Variants in PLEKHD1 observed in about 807,000 individuals in gnomAD.
The protein encoded by PLEKHD1 is pleckstrin homology domain-containing family D member 1.
Under a neutral mutation model 69.2 loss-of-function variants are expected in PLEKHD1, and 51 were observed. That is an observed-to-expected ratio of 0.74 (90% CI 0.59 to 0.93). The LOEUF (loss-of-function observed/expected upper bound fraction) is 0.93. Among genes scored for constraint, PLEKHD1 ranks in the 40% least tolerant of loss-of-function variants. The pLI, the probability that PLEKHD1 is intolerant of heterozygous loss-of-function variation, is 0.00. For synonymous variants in PLEKHD1, 236 were observed against 244.7 expected, an observed-to-expected ratio of 0.96 and a Z score of 0.33; for missense variants, 584 against 641.0, an observed-to-expected ratio of 0.91 and a Z score of 0.96.
chr14:69,490,278 A>C (rs949112489), intron 1 of PLEKHD1, among the ~76,000 whole-genome samples: 1 of 152,224 alleles, frequency 6.6e-6, no homozygotes, highest in Non-Finnish European at 1.5e-5. Context: ...ATCAGGCATT[A>C]GATTCTCATA....
the PLEKHD1 span, among the ~76,000 whole-genome samples, chr14:69,478,401 C>T: frequency 2.8e-4 from 42 of 152,260 alleles, no homozygotes; most frequent in Non-Finnish European, 5.7e-4. Context: ...ACATTTGGCT[C>T]CTCATTACTT....
chr14:69,483,576 C>G (rs1193063830), upstream of PLEKHD1, among the ~76,000 whole-genome samples: 3 of 152,180 alleles, frequency 2.0e-5, no homozygotes, highest in Non-Finnish European at 4.4e-5. Context: ...ATACCTTCAT[C>G]AAAGAAATAA....
intron 6 of PLEKHD1, among the ~76,000 whole-genome samples, chr14:69,518,565 G>A (rs1883438443): frequency 6.6e-6 from 1 of 152,196 alleles, no homozygotes; most frequent in African/African-American, 2.4e-5. Flanking sequence ...AATCTTTACT[G>A]TATTAAGTCT....
rs116791741 is a variant in PLEKHD1, at chr14:69,486,616, G to A, written c.149+1502G>A. ...TCTTTCTTCTGCCTCAGCAGCTCCA[G>A]ATAGTTAATCTTTCTTTTCTATTGG... On this transcript the variant is annotated intron_variant, in intron 1 of 12. Transcript: ENST00000322564. Among the ~76,000 whole-genome samples, 696 of 152,306 alleles carry A rather than the reference G, an allele frequency of 4.6e-3. 5 individuals carry two copies. Among genetic ancestry groups the A allele is most frequent in the African/African-American group, 0.016 (675 of 41,544 alleles).
chr14:69,473,044 C>T, the PLEKHD1 span, among the ~76,000 whole-genome samples: 12 of 152,128 alleles, frequency 7.9e-5, no homozygotes, highest in Non-Finnish European at 1.6e-4. Flanking sequence ...CAGATGGGAC[C>T]GTTTAGTTGC....
intron 6 of PLEKHD1, among the ~76,000 whole-genome samples, chr14:69,512,639 C>T (rs1413745695): frequency 6.6e-6 from 1 of 152,126 alleles, no homozygotes; most frequent in African/African-American, 2.4e-5. Context: ...TTCTTTGACA[C>T]ATGTGTTATT....
intron 6 of PLEKHD1, among the ~76,000 whole-genome samples, chr14:69,511,316 G>T (rs903530797): frequency 2.0e-5 from 3 of 151,722 alleles, no homozygotes; most frequent in Non-Finnish European, 2.9e-5. Flanking sequence ...GTGCCACCAT[G>T]CCCTGCTAAT....
intron 6 of PLEKHD1, among the ~76,000 whole-genome samples, chr14:69,519,037 C>T (rs1384809708): frequency 6.6e-6 from 1 of 151,940 alleles, no homozygotes; most frequent in Non-Finnish European, 1.5e-5. Flanking sequence ...GAGAAAGGCC[C>T]AGGAAGCCAG....
At chr14:69,472,069 C>T in the PLEKHD1 span, among the ~76,000 whole-genome samples, 1 of 152,106 alleles carries the variant, frequency 6.6e-6, no homozygotes, top group African/African-American at 2.4e-5. Flanking sequence ...CTCAACGACC[C>T]GTGCTGAGTC....
At position 69,528,644 on chromosome 14, in the gene PLEKHD1, A is replaced by G; in HGVS notation, c.*225A>G. The G allele has an allele frequency of 3.3e-6, 2 of 609,928 alleles. No individual in the cohort carries two copies. The highest frequency in any genetic ancestry group is 5.7e-6 in the Non-Finnish European group (2 of 353,790). The allele number at this position is 609,928 out of a possible 1,614,324, so 37.8% of individuals were successfully genotyped here. ...CCACCTTTGGGTCCACACCAGGGCC[A>G]TGCAGGCCTGAGCTGGGTGCTGGTT... On this transcript the variant is annotated 3_prime_UTR_variant, in exon 13 of 13. Transcript: ENST00000322564.
At chr14:69,472,736 G>C in the PLEKHD1 span, among the ~76,000 whole-genome samples, 1 of 152,234 alleles carries the variant, frequency 6.6e-6, no homozygotes, top group Non-Finnish European at 1.5e-5. Context: ...CAGCCTAGGT[G>C]TGTGGTAGGC....
chr14:69,468,223 G>A, the PLEKHD1 span, among the ~76,000 whole-genome samples: 5 of 152,064 alleles, frequency 3.3e-5, no homozygotes, highest in Admixed American at 3.3e-4. Flanking sequence ...AACAATAACA[G>A]ATTAGTTAAA....
intron 6 of PLEKHD1, among the ~76,000 whole-genome samples, chr14:69,512,602 G>T (rs558769690): frequency 6.6e-6 from 1 of 152,030 alleles, no homozygotes; most frequent in Non-Finnish European, 1.5e-5. Context: ...TTAGTTCAAA[G>T]TATCTTTAGA....
In PLEKHD1 at chr14:69,527,888, G is replaced by A. The variant is rs1034192171; in HGVS notation, c.1307G>A (p.Ser436Asn). The change falls in exon 12 of 13, where the codon AGC (serine) becomes AAC (asparagine). Residue 436 changes from serine to asparagine, a missense_variant. Physicochemically the swap from Ser to Asn is conservative, Grantham distance 46 (BLOSUM62 1). Transcript: ENST00000322564. ...IHKAATRRIK[S>N]CRFHRRRSST... is the part of the protein sequence containing the mutation. ...AAGGCAGCCACTCGCCGCATCAAGA[G>A]CTGCCGCTTCCACCGACGCCGGTCC... The A allele has an allele frequency of 1.9e-6, 3 of 1,551,502 alleles. No individual in the cohort carries two copies. The highest frequency in any genetic ancestry group is 2.6e-6 in the Non-Finnish European group (3 of 1,147,012).
At chr14:69,477,393 G>T in the PLEKHD1 span, among the ~76,000 whole-genome samples, 22 of 152,178 alleles carry the variant, frequency 1.4e-4, no homozygotes, top group African/African-American at 4.8e-4. Context: ...ATATCATTCT[G>T]CCCCTGGCCC....
rs374463773 is a variant in PLEKHD1 at position 69,517,017 on chromosome 14, T to C, written c.556-5266T>C. On this transcript the variant is annotated intron_variant, in intron 6 of 12. Coordinates refer to ENST00000322564, the MANE Select transcript of PLEKHD1 (RefSeq NM_001161498.2). ...AAGGATGAAGGCGGGCCAGAAAGAG[T>C]GCAAAGAGCCCAGGTGGGAGGCCAC... Among the ~76,000 whole-genome samples the C allele has an allele frequency of 2.0e-5, 3 of 151,432 alleles. No individual in the cohort carries two copies. In the East Asian group the frequency reaches 5.8e-4, roughly 29 times the overall value.
upstream of PLEKHD1, among the ~76,000 whole-genome samples, chr14:69,482,220 A>G (rs1882554109): frequency 6.6e-6 from 1 of 152,218 alleles, no homozygotes; most frequent in Non-Finnish European, 1.5e-5. Context: ...CTCTTATTGA[A>G]GGAATCAGCC....
the PLEKHD1 span, among the ~76,000 whole-genome samples, chr14:69,472,387 A>C: frequency 3.9e-5 from 6 of 152,308 alleles, no homozygotes; most frequent in Admixed American, 2.6e-4. Flanking sequence ...CTCTGGATGC[A>C]ATGTCTCCTT....
rs1462170696 is a variant in PLEKHD1 at position 69,526,725 on chromosome 14, G to A, written c.952G>A (p.Ala318Thr). 1 of 1,545,050 alleles carries A rather than the reference G, an allele frequency of 6.5e-7. No individual in the cohort carries two copies. Among genetic ancestry groups the A allele is most frequent in the Admixed American group, 2.0e-5 (1 of 49,996 alleles). Reference sequence around the variant, plus strand: ...GAAGGAGAACGAGGAGCGCTCACGGGCCCTGGAGGAGGAGCGTGAGTTCTA... The same window carrying A: ...GAAGGAGAACGAGGAGCGCTCACGGACCCTGGAGGAGGAGCGTGAGTTCTA... ...RMKENEERSRALEEEREFYSS... is the reference protein window; with the variant it reads ...RMKENEERSRTLEEEREFYSS... The change falls in exon 10 of 13, where the codon GCC (alanine) becomes ACC (threonine). Residue 318 changes from alanine (A) to threonine (T), a missense_variant. Coordinates refer to ENST00000322564, the MANE Select transcript of PLEKHD1 (RefSeq NM_001161498.2).
Sources: allele counts gnomAD v4.1 joint callset (sites outside exome capture counted in the v4.1 genomes callset), GRCh38; gene constraint gnomAD v4.1.1; transcripts MANE v1.5; gene names NCBI Gene and HGNC (gene_info 2026-07-23, HGNC 2026-07-21).